The following GALNTL6 variants were observed in gnomAD, a reference collection of about 807,000 sequenced individuals.
GALNTL6 encodes the protein polypeptide N-acetylgalactosaminyltransferase like 6.
GALNTL6 carries 46 observed loss-of-function variants against 73.7 expected under a neutral mutation model. That is an observed-to-expected ratio of 0.62 (90% confidence interval 0.49 to 0.80). GALNTL6 has a LOEUF of 0.80. Ranked by LOEUF, GALNTL6 falls within the 30% of genes least tolerant of loss-of-function variation. The probability of loss-of-function intolerance (pLI) is 0.00; values close to 1 mark genes in which losing one functional copy is unlikely to be tolerated. For synonymous variants in GALNTL6, 259 were observed against 263.7 expected (o/e 0.98, Z 0.17); for missense variants, 604 against 755.0 (o/e 0.80, Z 2.34).
At chr4:172,488,441 A>G (rs1003714792) in intron 5 of GALNTL6, among the ~76,000 whole-genome samples, 1 of 152,322 alleles carries the variant, frequency 6.6e-6, no homozygotes, top group African/African-American at 2.4e-5. Context: ...ATCTTTACTC[A>G]TACATCTGCG....
intron 5 of GALNTL6, among the ~76,000 whole-genome samples, chr4:172,763,060 C>T (rs1458163247): frequency 6.6e-6 from 1 of 152,024 alleles, no homozygotes; most frequent in Non-Finnish European, 1.5e-5. Flanking sequence ...ACATCAGTCA[C>T]CATTTACCGA....
intron 2 of GALNTL6, among the ~76,000 whole-genome samples, chr4:172,213,704 A>G (rs933735183): frequency 6.6e-6 from 1 of 152,144 alleles, no homozygotes; most frequent in African/African-American, 2.4e-5. Context: ...ATTTTATCTC[A>G]GTCTGTAGCT....
At chr4:172,319,732 T>A (rs1311051099) in intron 4 of GALNTL6, among the ~76,000 whole-genome samples, 1 of 152,176 alleles carries the variant, frequency 6.6e-6, no homozygotes, top group Non-Finnish European at 1.5e-5. Context: ...TATAAATAAG[T>A]CATCCAAAGG....
intron 2 of GALNTL6, among the ~76,000 whole-genome samples, chr4:171,893,919 A>G (rs573228451): frequency 2.0e-4 from 30 of 152,116 alleles, no homozygotes; most frequent in Non-Finnish European, 3.8e-4. Context: ...TTCAGTCTCA[A>G]AATACCCAAA....
At chr4:172,527,165 C>G (rs1734988089) in intron 5 of GALNTL6, among the ~76,000 whole-genome samples, 1 of 151,962 alleles carries the variant, frequency 6.6e-6, no homozygotes, top group Non-Finnish European at 1.5e-5. Flanking sequence ...TTCTTTGCAC[C>G]TGAGGTAAAG....
intron 3 of GALNTL6, among the ~76,000 whole-genome samples, chr4:172,257,009 A>T (rs908954191): frequency 1.3e-5 from 2 of 151,292 alleles, no homozygotes; most frequent in Non-Finnish European, 3.0e-5. Flanking sequence ...GCTCATGTAC[A>T]ATTGGTAAGT....
chr4:172,163,726 G>T (rs941577241), intron 2 of GALNTL6, among the ~76,000 whole-genome samples: 1 of 151,994 alleles, frequency 6.6e-6, no homozygotes, highest in African/African-American at 2.4e-5. Flanking sequence ...AGCATCTGTT[G>T]AGAGCCATCT....
chr4:172,777,189 T>C (rs1052980005), intron 5 of GALNTL6, among the ~76,000 whole-genome samples: 2 of 151,892 alleles, frequency 1.3e-5, no homozygotes, highest in African/African-American at 4.8e-5. Flanking sequence ...TTTTAAATGC[T>C]CCCCCCCAAA....
In GALNTL6 at chr4:173,040,206, C is replaced by T. The variant is rs1027560315; in HGVS notation, c.*106C>T. 1.5e-5 allele frequency: 13 copies of T among 853,726 alleles called. No individual in the cohort carries two copies. In the South Asian group the frequency reaches 2.5e-4, roughly 16 times the overall value. 52.9% of individuals were successfully genotyped at this position (853,726 alleles called of 1,614,324 possible). On this transcript the variant is annotated 3_prime_UTR_variant, in exon 13 of 13. Transcript: ENST00000506823. ...ATAACATTTCCTCGATCCAGGAAGG[C>T]TGGTTTAAAAATTTGCAAATGCCAT...
intron 7 of GALNTL6, among the ~76,000 whole-genome samples, chr4:172,877,120 T>C (rs1745233588): frequency 6.6e-6 from 1 of 152,202 alleles, no homozygotes; most frequent in South Asian, 2.1e-4. Context: ...TCCTTTAGTT[T>C]ACTGAACCTA....
At chr4:172,310,210 G>A (rs1740302448) in intron 3 of GALNTL6, among the ~76,000 whole-genome samples, 1 of 151,986 alleles carries the variant, frequency 6.6e-6, no homozygotes, top group Non-Finnish European at 1.5e-5. Flanking sequence ...GCATGAGCAA[G>A]TGTACAAAAT....
chr4:172,966,172 G>A (rs1052795205), intron 10 of GALNTL6, among the ~76,000 whole-genome samples: 7 of 151,984 alleles, frequency 4.6e-5, no homozygotes, highest in Non-Finnish European at 8.8e-5. Flanking sequence ...TAATTTTTCC[G>A]GTCTCGGACA....
intron 5 of GALNTL6, among the ~76,000 whole-genome samples, chr4:172,799,880 T>A (rs909854204): frequency 1.3e-5 from 2 of 152,174 alleles, no homozygotes; most frequent in African/African-American, 2.4e-5. Flanking sequence ...GCCCACCAAC[T>A]GATGAATGGA....
chr4:171,833,030 G>A (rs918691341), intron 2 of GALNTL6, among the ~76,000 whole-genome samples: 1 of 151,734 alleles, frequency 6.6e-6, no homozygotes, highest in African/African-American at 2.4e-5. Context: ...ATCATGGAAT[G>A]GTCAAAACCT....
At chr4:172,379,988 A>G (rs1301743903) in intron 5 of GALNTL6, 2 of 839,916 alleles carry the variant, frequency 2.4e-6, no homozygotes, top group Non-Finnish European at 4.0e-6. Flanking sequence ...AAGTCTTGGC[A>G]GAACAGGAGA....
At chr4:172,639,856 A>G (rs1739886893) in intron 5 of GALNTL6, among the ~76,000 whole-genome samples, 1 of 152,062 alleles carries the variant, frequency 6.6e-6, no homozygotes, top group Non-Finnish European at 1.5e-5. Context: ...ATCCTTTTTC[A>G]TCTACTCAAG....
intron 3 of GALNTL6, among the ~76,000 whole-genome samples, chr4:172,231,162 C>G (rs984181982): frequency 1.3e-5 from 2 of 152,096 alleles, no homozygotes; most frequent in African/African-American, 4.8e-5. Flanking sequence ...CCTCACTTTT[C>G]TAGTACTTTT....
intron 8 of GALNTL6, among the ~76,000 whole-genome samples, chr4:172,889,050 A>G (rs1290584758): frequency 1.3e-5 from 2 of 151,900 alleles, no homozygotes; most frequent in Non-Finnish European, 2.9e-5. Flanking sequence ...TATTGATTCA[A>G]CTCTCAGCTT....
rs1753481319 is a variant in GALNTL6, at chr4:173,032,016, CT to C, written c.1639-7916del. On this transcript the variant is annotated intron_variant, in intron 12 of 12. Coordinates refer to ENST00000506823, the MANE Select transcript of GALNTL6 (RefSeq NM_001034845.3). ...TGATGGAGAAAAAGACCACAGACATCTGGATCAACTTGTGCAAGGCCCTGAG... is the reference window on the plus strand; with the variant it reads ...TGATGGAGAAAAAGACCACAGACATCGGATCAACTTGTGCAAGGCCCTGAG... 2.6e-5 allele frequency among the ~76,000 whole-genome samples: 4 copies of C among 152,174 alleles called. No individual in the cohort carries two copies. The South Asian group carries it at 8.3e-4, about 32-fold the overall frequency.
Sources: gnomAD v4.1 joint callset for allele counts (sites outside exome capture counted in the v4.1 genomes callset) on GRCh38, gnomAD v4.1.1 for gene constraint, MANE v1.5 for transcripts, NCBI Gene and HGNC (gene_info 2026-07-23, HGNC 2026-07-21) for gene names.